SMG7: variants seen among roughly 807,000 people sequenced by gnomAD.
SMG7 encodes SMG7 nonsense mediated mRNA decay factor.
A neutral mutation model predicts 148.2 loss-of-function variants in SMG7; 34 were observed. That is an observed-to-expected ratio of 0.23 (90% CI 0.17 to 0.31). The LOEUF (loss-of-function observed/expected upper bound fraction) is 0.31, where lower values mean the gene tolerates loss of function less well. Among genes scored for constraint, SMG7 ranks in the 10% least tolerant of loss-of-function variants. The pLI is 1.00. For missense variants in SMG7, 1,114 were observed against 1,408.4 expected (o/e 0.79, Z 3.35); for synonymous variants, 492 against 515.1 (o/e 0.96, Z 0.61).
At chr1:183,493,671 G>A (rs1479823164) in intron 1 of SMG7, among the ~76,000 whole-genome samples, 1 of 151,720 alleles carries the variant, frequency 6.6e-6, no homozygotes, top group East Asian at 1.9e-4. Flanking sequence ...AACCTCTGCC[G>A]CCCATGTTCA....
chr1:183,515,865 G>A lies in SMG7; in HGVS notation c.62-9G>A. The A allele has an allele frequency of 1.3e-6, 2 of 1,590,746 alleles. No homozygotes were observed. Among genetic ancestry groups the A allele is most frequent in the South Asian group, 1.1e-5 (1 of 90,190 alleles). On this transcript the variant is annotated splice_polypyrimidine_tract_variant and intron_variant, in intron 2 of 22. Coordinates refer to ENST00000688051, the MANE Select transcript of SMG7 (RefSeq NM_001375584.1). ...TATCTACCGTTATGTTTTTGTTTTT[G>A]TTACTCAGATTCTAAGCTGGGTCCA... is the stretch of plus-strand genomic sequence containing the variant.
At chr1:183,516,025 A>G in intron 3 of SMG7, 34 bp downstream of exon 3, 1 of 1,277,766 alleles carries the variant, frequency 7.8e-7, no homozygotes, top group Non-Finnish European at 1.1e-6. Flanking sequence ...AAGTCCCTGT[A>G]AGATCAAGAA....
In SMG7 at chr1:183,552,809, G is replaced by C. The variant is rs922537534; in HGVS notation, c.*878G>C. ...GGCTAGTCCATTCACAGCCTGACAC[G>C]TTCTAATAGGTAGAAGCTTTCAGTG... On this transcript the variant is annotated 3_prime_UTR_variant, in exon 23 of 23. Transcript: ENST00000688051. The C allele has an allele frequency of 7.0e-7, 1 of 1,424,874 alleles. No homozygotes were observed. The highest frequency in any genetic ancestry group is 9.1e-7 in the Non-Finnish European group (1 of 1,093,540). 88.3% of individuals were successfully genotyped at this position (1,424,874 alleles called of 1,614,324 possible). A position where few individuals can be genotyped will look rare whatever the true frequency, so the allele number is the denominator to read the frequency against.
At position 183,521,495 on chromosome 1, in the gene SMG7, G is replaced by T. The variant is rs149949438; in HGVS notation, c.312+3675G>T. Among the ~76,000 whole-genome samples the T allele has an allele frequency of 6.6e-5, 10 of 152,292 alleles. No homozygotes were observed. The East Asian group carries it at 1.9e-3, about 29-fold the overall frequency. On this transcript the variant is annotated intron_variant, in intron 4 of 22. Coordinates refer to ENST00000688051, the MANE Select transcript of SMG7 (RefSeq NM_001375584.1). Reference sequence around the variant, plus strand: ...CACAAATCTTTCTTGATTACATGCAGTGCATATTTAGCACCAGATTGAGAA... The same window carrying T: ...CACAAATCTTTCTTGATTACATGCATTGCATATTTAGCACCAGATTGAGAA...
At chr1:183,512,513 T>G (rs1004464565) in intron 1 of SMG7, among the ~76,000 whole-genome samples, 1 of 152,138 alleles carries the variant, frequency 6.6e-6, no homozygotes, top group Non-Finnish European at 1.5e-5. Flanking sequence ...TGAGAGAATT[T>G]TTAAAAAGTT....
chr1:183,494,354 CT>C lies in SMG7; in HGVS notation c.30-18477del, dbSNP rs1465916208. Among the ~76,000 whole-genome samples the C allele has an allele frequency of 2.1e-4, 32 of 149,878 alleles. No homozygotes were observed. The South Asian group carries it at 5.7e-3, about 27-fold the overall frequency. On this transcript the variant is annotated intron_variant, in intron 1 of 22. Transcript: ENST00000688051. ...GTTTTAAGTTTCAAAATTTAGGGGACTTTTTTGGTTTTTGTTTTTTTTTTCT... is the reference window on the plus strand; with the variant it reads ...GTTTTAAGTTTCAAAATTTAGGGGACTTTTTGGTTTTTGTTTTTTTTTTCT...
At chr1:183,548,928 CAT>C in intron 18 of SMG7, 1 of 438,730 alleles carries the variant, frequency 2.3e-6, no homozygotes, top group Non-Finnish European at 4.1e-6. Context: ...GTCCATGCCT[CAT>C]AAACACTCAG....
chr1:183,493,979 T>A (rs1202844921), intron 1 of SMG7, among the ~76,000 whole-genome samples: 1 of 152,024 alleles, frequency 6.6e-6, no homozygotes, highest in African/African-American at 2.4e-5. Flanking sequence ...CCTGTTTCTG[T>A]TTTTGTATTT....
intron 1 of SMG7, 89 bp downstream of exon 1, chr1:183,472,738 C>A: frequency 1.7e-6 from 2 of 1,192,154 alleles, no homozygotes; most frequent in African/African-American, 1.6e-5. Context: ...TCCGGGGTGG[C>A]GGGGGAGTTG....
chr1:183,474,389 C>G (rs1299684535), intron 1 of SMG7, among the ~76,000 whole-genome samples: 2 of 152,134 alleles, frequency 1.3e-5, no homozygotes, highest in Non-Finnish European at 2.9e-5. Context: ...ATGGTGAAAC[C>G]ACGTCTCTAC....
intron 6 of SMG7, among the ~76,000 whole-genome samples, chr1:183,528,326 A>G (rs1226769662): frequency 6.6e-6 from 1 of 152,166 alleles, no homozygotes; most frequent in Non-Finnish European, 1.5e-5. Flanking sequence ...TTAATTGCTT[A>G]TAGAATAATT....
Position 183,544,993 on chromosome 1 carries a change from C to G in SMG7, c.2051C>G (p.Thr684Ser). 1 of 1,613,934 alleles carries G rather than the reference C, an allele frequency of 6.2e-7. No individual in the cohort carries two copies. Among genetic ancestry groups the G allele is most frequent in the Non-Finnish European group, 8.5e-7 (1 of 1,179,908 alleles). The change falls in exon 16 of 23, where the codon ACC (threonine) becomes AGC (serine). Residue 684 changes from threonine (T) to serine (S), a missense_variant. By Grantham distance (58) the Thr-to-Ser change is moderately conservative. This residue lies in a region of SMG7 where 788 missense variants were observed against 894.5 expected (regional missense o/e 0.88). Transcript: ENST00000688051. The part of the protein sequence containing the change: ...PVAFSMGSGY[T>S]FPAGVSVPGT... Reference sequence around the variant, plus strand: ...GCATTTTCTATGGGCTCAGGTTACACCTTCCCAGCTGGTGTTTCTGTCCCA... The same window carrying G: ...GCATTTTCTATGGGCTCAGGTTACAGCTTCCCAGCTGGTGTTTCTGTCCCA...
At chr1:183,533,477 C>A (rs536166455) in intron 9 of SMG7, 151 bp downstream of exon 9, 1 of 964,508 alleles carries the variant, frequency 1.0e-6, no homozygotes, top group East Asian at 2.5e-5. Context: ...ACCCCAAGTT[C>A]TATCCTTTTA....
Position 183,553,031 on chromosome 1 carries a change from G to C in SMG7, c.*1100G>C. The C allele has an allele frequency of 6.5e-7, 1 of 1,536,250 alleles. No homozygotes were observed. Among genetic ancestry groups the C allele is most frequent in the Non-Finnish European group, 8.7e-7 (1 of 1,146,930 alleles). On this transcript the variant is annotated 3_prime_UTR_variant, in exon 23 of 23. Transcript: ENST00000688051. Reference sequence around the variant, plus strand: ...GCCCAAAAGACAGTCTGAAGAGGAAGGAAGCAGCAGTATCTGCGTAGCCCA... The same window carrying C: ...GCCCAAAAGACAGTCTGAAGAGGAACGAAGCAGCAGTATCTGCGTAGCCCA...
chr1:183,529,099 T>G, intron 7 of SMG7, 57 bp downstream of exon 7: 1 of 1,490,632 alleles, frequency 6.7e-7, no homozygotes, highest in East Asian at 2.3e-5. Flanking sequence ...ACCTGGAGCC[T>G]TAATTCCTCA....
rs191049870 is a variant in SMG7, at chr1:183,508,991, G to A, written c.30-3846G>A. ...AAGAAGTTTTACTTTTGTTCTTTTC[G>A]TCAGATATTCCTTAGAGCAGGAGAT... On this transcript the variant is annotated intron_variant, in intron 1 of 22. Coordinates refer to ENST00000688051, the MANE Select transcript of SMG7 (RefSeq NM_001375584.1). Among the ~76,000 whole-genome samples the A allele has an allele frequency of 1.9e-3, 288 of 152,140 alleles. 2 individuals are homozygous for A. The highest frequency in any genetic ancestry group is 9.6e-4 in the East Asian group (5 of 5,184).
chr1:183,529,159 A>T, intron 7 of SMG7, 117 bp downstream of exon 7: 1 of 1,061,186 alleles, frequency 9.4e-7, no homozygotes, highest in Middle Eastern at 2.2e-4. Context: ...ATTTCTAAAC[A>T]TATAGATTTT....
intron 3 of SMG7, among the ~76,000 whole-genome samples, chr1:183,517,003 C>T (rs1488527649): frequency 6.6e-6 from 1 of 152,170 alleles, no homozygotes; most frequent in Non-Finnish European, 1.5e-5. Flanking sequence ...TTATTCCCCA[C>T]TGTGGTTTCC....
In SMG7 at chr1:183,545,297, C is replaced by T. The variant is rs770485777; in HGVS notation, c.2355C>T (p.His785=). The part of the protein sequence containing the change: ...VPALGKSPPH[H]SGFQQYQQAD... ...CTTTGGGGAAAAGCCCGCCTCACCA[C>T]TCTGGATTCCAGCAGGTAAGTTACA... is the stretch of plus-strand genomic sequence containing the variant. The change falls in exon 16 of 23, where the codon CAC becomes CAT. Residue 785 remains histidine (H), a synonymous_variant. Transcript: ENST00000688051. 1 of 1,609,776 alleles carries T rather than the reference C, an allele frequency of 6.2e-7. No individual in the cohort carries two copies. Among genetic ancestry groups the T allele is most frequent in the Non-Finnish European group, 8.5e-7 (1 of 1,179,828 alleles).
Sources: gnomAD v4.1 joint callset for allele counts (sites outside exome capture counted in the v4.1 genomes callset) on GRCh38, gnomAD v4.1.1 for gene constraint, gnomAD v4.1.1 regional missense constraint, MANE v1.5 for transcripts, NCBI Gene and HGNC (gene_info 2026-07-23, HGNC 2026-07-21) for gene names.